CORO2A: variants seen among roughly 807,000 people sequenced by gnomAD.
CORO2A encodes coronin 2A.
A neutral mutation model predicts 62.4 loss-of-function variants in CORO2A; 47 were observed. The ratio of observed to expected loss-of-function variants is 0.75; its 90% CI spans 0.60 to 0.96. The LOEUF is 0.96. CORO2A is among the 40% of genes least tolerant of loss of function. The probability of loss-of-function intolerance (pLI) is 0.00; values close to 1 mark genes in which losing one functional copy is unlikely to be tolerated. For missense variants in CORO2A, 610 were observed against 684.1 expected (o/e 0.89, Z 1.21); for synonymous variants, 273 against 268.9 (o/e 1.02, Z -0.15).
chr9:98,186,273 G>A (rs949448046), intron 1 of CORO2A, among the ~76,000 whole-genome samples: 1 of 151,992 alleles, frequency 6.6e-6, no homozygotes, highest in Non-Finnish European at 1.5e-5. Flanking sequence ...CAGGAGAGGG[G>A]TGGCTGGCGG....
chr9:98,162,115 T>C (rs1487522710), intron 1 of CORO2A, among the ~76,000 whole-genome samples: 1 of 152,186 alleles, frequency 6.6e-6, no homozygotes, highest in Non-Finnish European at 1.5e-5. Flanking sequence ...CCCGTTCAGA[T>C]GTAGGTGTTC....
At chr9:98,145,131 A>G (rs1246566079) in intron 2 of CORO2A, among the ~76,000 whole-genome samples, 2 of 152,216 alleles carry the variant, frequency 1.3e-5, no homozygotes, top group Non-Finnish European at 2.9e-5. Flanking sequence ...GGTTTACTGT[A>G]GAATCCAACA....
Position 98,124,639 on chromosome 9 carries a change from A to G in CORO2A, c.*135T>C. The G allele has an allele frequency of 1.1e-6, 1 of 882,412 alleles. No individual in the cohort carries two copies. 54.7% of individuals were successfully genotyped at this position (882,412 alleles called of 1,614,324 possible). A position where few individuals can be genotyped will look rare whatever the true frequency, so the allele number is the denominator to read the frequency against. ...ACCATGTCCCACTGGAATCTCTTTC[A>G]GCGATGGAGAGTTTTGTTTTCTGGT... On this transcript the variant is annotated 3_prime_UTR_variant, in exon 12 of 12. Coordinates refer to ENST00000375077, the MANE Select transcript of CORO2A (RefSeq NM_052820.4).
rs1329374244 is a variant in CORO2A, at chr9:98,123,854, C to G, written c.*920G>C. ...ATTTTTAGTGGAGACGGGGTTTCAC[C>G]ATGTTGGCCAGGCTGGTCTTGAACT... On this transcript the variant is annotated 3_prime_UTR_variant, in exon 12 of 12. Transcript: ENST00000375077. 1 of 152,042 alleles carries G rather than the reference C, an allele frequency of 6.6e-6. No individual in the cohort carries two copies. The highest frequency in any genetic ancestry group is 2.4e-5 in the African/African-American group (1 of 41,380). The allele number at this position is 152,042 out of a possible 1,614,324, so 9.4% of individuals were successfully genotyped here. A position where few individuals can be genotyped will look rare whatever the true frequency, so the allele number is the denominator to read the frequency against.
chr9:98,183,176 A>G (rs75122665), intron 1 of CORO2A, among the ~76,000 whole-genome samples: 41,273 of 151,918 alleles, frequency 0.27, 5,629 homozygotes, highest in East Asian at 0.4. Flanking sequence ...AGCGGCCCAA[A>G]CTTCAGCAGG....
chr9:98,163,031 C>A (rs1827906799), intron 1 of CORO2A, among the ~76,000 whole-genome samples: 1 of 152,220 alleles, frequency 6.6e-6, no homozygotes, highest in Non-Finnish European at 1.5e-5. Flanking sequence ...CTGGGACAGC[C>A]TGCTGGGCAC....
chr9:98,150,144 GC>G (rs1409543955), intron 2 of CORO2A, among the ~76,000 whole-genome samples: 1 of 151,994 alleles, frequency 6.6e-6, no homozygotes, highest in Non-Finnish European at 1.5e-5. Context: ...TGTTGGCCAG[GC>G]TGGTCTCAAA....
chr9:98,148,039 G>C (rs536640317), intron 2 of CORO2A, among the ~76,000 whole-genome samples: 164 of 150,828 alleles, frequency 1.1e-3, no homozygotes, highest in African/African-American at 3.8e-3. Flanking sequence ...TTGAGCTCAG[G>C]AGTTTGAGAC....
At chr9:98,169,622 T>G (rs1431182831) in intron 1 of CORO2A, among the ~76,000 whole-genome samples, 1 of 152,196 alleles carries the variant, frequency 6.6e-6, no homozygotes, top group Non-Finnish European at 1.5e-5. Context: ...ACGTTCCCCC[T>G]GAGTCTTTGA....
At chr9:98,135,683 G>T (rs780677774) in intron 3 of CORO2A, among the ~76,000 whole-genome samples, 1 of 152,158 alleles carries the variant, frequency 6.6e-6, no homozygotes, top group Non-Finnish European at 1.5e-5. Flanking sequence ...CTTCCTTATT[G>T]GTCCTGCAAG....
At chr9:98,141,282 G>A (rs1029383799) in intron 2 of CORO2A, among the ~76,000 whole-genome samples, 1 of 151,802 alleles carries the variant, frequency 6.6e-6, no homozygotes, top group Non-Finnish European at 1.5e-5. Context: ...GCGGTACCTG[G>A]AGCTAGGGTC....
In CORO2A at chr9:98,124,543, A is replaced by T. The variant is rs701379; in HGVS notation, c.*231T>A. 137,423 of 402,972 alleles carry T rather than the reference A, an allele frequency of 0.34. 25,759 individuals are homozygous for T. The highest frequency in any genetic ancestry group is 0.55 in the East Asian group (12,816 of 23,476). 25.0% of individuals were successfully genotyped at this position (402,972 alleles called of 1,614,324 possible). On this transcript the variant is annotated 3_prime_UTR_variant, in exon 12 of 12. Coordinates refer to ENST00000375077, the MANE Select transcript of CORO2A (RefSeq NM_052820.4). ...CATGGGCCCTTAATAACAGAATTCAACAGAAGGCATCATCTGAAAACAAAG... is the reference window on the plus strand; with the variant it reads ...CATGGGCCCTTAATAACAGAATTCATCAGAAGGCATCATCTGAAAACAAAG...
intron 3 of CORO2A, among the ~76,000 whole-genome samples, chr9:98,136,896 T>C (rs1827492425): frequency 6.6e-6 from 1 of 152,222 alleles, no homozygotes; most frequent in East Asian, 1.9e-4. Flanking sequence ...CTATGTTGCC[T>C]AGGTTGGTCT....
chr9:98,133,720 C>T (rs16913017), intron 4 of CORO2A, among the ~76,000 whole-genome samples: 1,970 of 152,204 alleles, frequency 0.013, 30 homozygotes, highest in African/African-American at 0.044. Flanking sequence ...CGCTGTGGAT[C>T]GGAAGAGCGA....
In CORO2A at chr9:98,134,780, C is replaced by T. The variant is rs1437554800; in HGVS notation, c.468+26G>A. On this transcript the variant is annotated intron_variant, in intron 4 of 11. Transcript: ENST00000375077. ...GTTTGTGGGAACTTGTTGGGGCTGC[C>T]CCAGAGAAAGAATACCCAGACTCAC... 7.6e-6 allele frequency: 12 copies of T among 1,582,508 alleles called. No homozygotes were observed. The Admixed American group carries it at 8.9e-5, about 12-fold the overall frequency.
Position 98,126,824 on chromosome 9 carries a change from C to A in CORO2A, c.1172-1G>T, listed in dbSNP as rs1490644901. The A allele has an allele frequency of 2.5e-6, 4 of 1,613,974 alleles. No individual in the cohort carries two copies. Among genetic ancestry groups the A allele is most frequent in the South Asian group, 1.1e-5 (1 of 91,076 alleles). On this transcript the variant is annotated splice_acceptor_variant, in intron 10 of 11. Transcript: ENST00000375077. LOFTEE classifies it high-confidence loss of function. ...GGCCTAAGGGACACCAGGATTGGGTCTGGAAGGGAAGCAGAGCCATGTGAG... is the reference window on the plus strand; with the variant it reads ...GGCCTAAGGGACACCAGGATTGGGTATGGAAGGGAAGCAGAGCCATGTGAG...
Position 98,137,686 on chromosome 9 carries a change from T to C in CORO2A, c.204A>G (p.Thr68=). 1 of 1,613,014 alleles carries C rather than the reference T, an allele frequency of 6.2e-7. No homozygotes were observed. Among genetic ancestry groups the C allele is most frequent in the Non-Finnish European group, 8.5e-7 (1 of 1,178,920 alleles). Residue 68 remains threonine, a splice_region_variant and synonymous_variant, in exon 3 of 12, where the codon ACA becomes ACG. Coordinates refer to ENST00000375077, the MANE Select transcript of CORO2A (RefSeq NM_052820.4). ...TTGGGTAGTGGGGGTCCAACTTCCC[T>C]GTCTGCAAGACAGTGCCCAGGAGGG... ...GAFLVIPLHQ[T]GKLDPHYPKV...
intron 1 of CORO2A, among the ~76,000 whole-genome samples, chr9:98,190,497 C>A (rs984118676): frequency 6.6e-6 from 1 of 151,916 alleles, no homozygotes; most frequent in Non-Finnish European, 1.5e-5. Flanking sequence ...AATCAGGATC[C>A]CTGGGCTCGG....
chr9:98,168,746 G>A (rs562646170), intron 1 of CORO2A, among the ~76,000 whole-genome samples: 2 of 152,346 alleles, frequency 1.3e-5, no homozygotes, highest in African/African-American at 2.4e-5. Flanking sequence ...TATGCTGGGA[G>A]GCCAGCATTT....
Sources: gnomAD v4.1 joint callset for allele counts (sites outside exome capture counted in the v4.1 genomes callset) on GRCh38, gnomAD v4.1.1 for gene constraint, MANE v1.5 for transcripts, NCBI Gene and HGNC (gene_info 2026-07-23, HGNC 2026-07-21) for gene names.